CRHR1: variants seen among roughly 807,000 people sequenced by gnomAD.
CRHR1 encodes the protein corticotropin releasing hormone receptor 1, also known as corticotropin-releasing hormone receptor 1.
In CRHR1, 28 loss-of-function variants were observed where a neutral mutation model predicts 56.0. That is an observed-to-expected ratio of 0.50 (90% confidence interval 0.37 to 0.69). CRHR1 has a LOEUF of 0.69. CRHR1 is among the 30% of genes least tolerant of loss of function. CRHR1 has a pLI of 0.00. For missense variants in CRHR1, 376 were observed against 548.0 expected, an observed-to-expected ratio of 0.69 and a Z score of 3.13; for synonymous variants, 195 against 216.5, an observed-to-expected ratio of 0.90 and a Z score of 0.87.
intron 1 of CRHR1, among the ~76,000 whole-genome samples, chr17:45,795,512 G>A (rs1226253975): frequency 2.0e-5 from 3 of 152,234 alleles, no homozygotes; most frequent in East Asian, 1.9e-4. Context: ...AATGCCAGTC[G>A]CACCTCCCCC....
chr17:45,830,667 T>G (rs1358194951), intron 7 of CRHR1, 97 bp downstream of exon 7: 1 of 1,473,910 alleles, frequency 6.8e-7, no homozygotes, highest in African/African-American at 1.4e-5. Context: ...GCCTGAGGGA[T>G]GGAGGTCGGG....
chr17:45,817,101 A>G (rs916616422), intron 3 of CRHR1, among the ~76,000 whole-genome samples: 1 of 150,028 alleles, frequency 6.7e-6, no homozygotes, highest in Non-Finnish European at 1.5e-5. Context: ...TGCATCCTGG[A>G]TTTGTAGGTG....
intron 1 of CRHR1, among the ~76,000 whole-genome samples, chr17:45,794,907 G>T (rs1214063375): frequency 6.6e-6 from 1 of 152,256 alleles, no homozygotes; most frequent in African/African-American, 2.4e-5. Context: ...AGAGGCTCTG[G>T]TGGAGCCTCA....
chr17:45,828,157 C>T (rs750410855), intron 4 of CRHR1, among the ~76,000 whole-genome samples: 9 of 152,192 alleles, frequency 5.9e-5, no homozygotes, highest in Non-Finnish European at 8.8e-5. Context: ...CTAGGCCCTG[C>T]TTCTTGGGAC....
At chr17:45,831,011 G>A (rs1384462018) in intron 8 of CRHR1, 71 bp downstream of exon 8, 31 of 1,451,642 alleles carry the variant, frequency 2.1e-5, no homozygotes, top group Middle Eastern at 1.7e-4. Flanking sequence ...CACTCCCCAC[G>A]GGCATTGGCC....
Position 45,821,420 on chromosome 17 carries a change from C to G in CRHR1, c.307C>G (p.Gln103Glu). 6.2e-7 allele frequency: 1 copy of G among 1,613,056 alleles called. No individual in the cohort carries two copies. The highest frequency in any genetic ancestry group is 8.5e-7 in the Non-Finnish European group (1 of 1,180,034). Reference sequence around the variant, plus strand: ...CGCCCGCGTGAATTACTCCGAGTGCCAGGAGATCCTCAATGAGGAGGTGAG... The same window carrying G: ...CGCCCGCGTGAATTACTCCGAGTGCGAGGAGATCCTCAATGAGGAGGTGAG... Reference protein sequence around the residue: ...WAARVNYSECQEILNEEKKSK... With the variant: ...WAARVNYSECEEILNEEKKSK... Residue 103 changes from glutamine to glutamate, a missense_variant, in exon 4 of 13, where the codon CAG (glutamine) becomes GAG (glutamate). Physicochemically the swap from Gln to Glu is conservative, Grantham distance 29. Around this residue, in one of 2 missense-constraint regions of CRHR1, gnomAD observed 369 missense variants for 519.5 expected, o/e 0.71. Coordinates refer to ENST00000314537, the MANE Select transcript of CRHR1 (RefSeq NM_004382.5).
intron 1 of CRHR1, among the ~76,000 whole-genome samples, chr17:45,788,082 A>G (rs901514035): frequency 6.6e-6 from 1 of 152,246 alleles, no homozygotes; most frequent in Non-Finnish European, 1.5e-5. Flanking sequence ...TGGCTCCTCA[A>G]AAGCATCAAC....
At chr17:45,790,337 C>T (rs940246670) in intron 1 of CRHR1, among the ~76,000 whole-genome samples, 8 of 152,138 alleles carry the variant, frequency 5.3e-5, no homozygotes, top group Non-Finnish European at 8.8e-5. Flanking sequence ...ATGTGGTATC[C>T]GCTTCCACAA....
intron 2 of CRHR1, among the ~76,000 whole-genome samples, chr17:45,814,591 T>TCTATACGATC (rs2061889448): frequency 6.6e-6 from 1 of 152,210 alleles, no homozygotes; most frequent in South Asian, 2.1e-4. Flanking sequence ...GGGCATGGCC[T>TCTATACGATC]CTATACGATC....
At chr17:45,810,192 T>C (rs1044546124) in intron 2 of CRHR1, among the ~76,000 whole-genome samples, 4 of 152,012 alleles carry the variant, frequency 2.6e-5, no homozygotes, top group African/African-American at 4.8e-5. Context: ...GGCTGAGGCA[T>C]GAGAATCGCT....
At chr17:45,830,396 T>C in intron 6 of CRHR1, 21 bp from the exon 7 acceptor site, 1 of 1,595,036 alleles carries the variant, frequency 6.3e-7, no homozygotes. Flanking sequence ...TCATCATCTC[T>C]GGTTGGGGGT....
intron 1 of CRHR1, among the ~76,000 whole-genome samples, chr17:45,799,073 C>T (rs149073965): frequency 6.6e-6 from 1 of 152,314 alleles, no homozygotes; most frequent in African/African-American, 2.4e-5. Context: ...GTCAAGAGGG[C>T]TGAGAAAGGA....
At chr17:45,793,470 T>G (rs971007876) in intron 1 of CRHR1, among the ~76,000 whole-genome samples, 1 of 152,152 alleles carries the variant, frequency 6.6e-6, no homozygotes, top group Non-Finnish European at 1.5e-5. Context: ...CCCTCCCTGG[T>G]GCTGTCCTGG....
intron 1 of CRHR1, among the ~76,000 whole-genome samples, chr17:45,801,018 G>C (rs1264134868): frequency 6.6e-6 from 1 of 152,214 alleles, no homozygotes; most frequent in African/African-American, 2.4e-5. Context: ...TATGGTCTCT[G>C]ATAAGCATTT....
intron 2 of CRHR1, among the ~76,000 whole-genome samples, chr17:45,807,531 G>C (rs1304665306): frequency 5.9e-5 from 9 of 152,220 alleles, no homozygotes; most frequent in Admixed American, 5.9e-4. Flanking sequence ...GCCAGGCACT[G>C]ATCAAGGACT....
intron 12 of CRHR1, 121 bp downstream of exon 12, chr17:45,834,169 C>T: frequency 8.0e-7 from 1 of 1,250,266 alleles, no homozygotes; most frequent in South Asian, 1.3e-5. Flanking sequence ...CTCCTAGGTC[C>T]CTAGGGGTAT....
chr17:45,808,302 A>C (rs2061756781), intron 2 of CRHR1, among the ~76,000 whole-genome samples: 1 of 152,210 alleles, frequency 6.6e-6, no homozygotes, highest in African/African-American at 2.4e-5. Context: ...AGGCCTCCAC[A>C]TCTCATGGTA....
Position 45,834,964 on chromosome 17 carries a change from C to T in CRHR1, c.*200C>T, listed in dbSNP as rs559518536. 4 of 690,472 alleles carry T rather than the reference C, an allele frequency of 5.8e-6. No homozygotes were observed. The highest frequency in any genetic ancestry group is 5.4e-5 in the African/African-American group (3 of 55,778). The allele number at this position is 690,472 out of a possible 1,614,324, so 42.8% of individuals were successfully genotyped here. A position where few individuals can be genotyped will look rare whatever the true frequency, so the allele number is the denominator to read the frequency against. On this transcript the variant is annotated 3_prime_UTR_variant, in exon 13 of 13. Transcript: ENST00000314537. ...TAGCTCATGAGTGGAAAGTCACCTACAGGACTGGGCCGGGCCCAGGGCCTC... is the reference window on the plus strand; with the variant it reads ...TAGCTCATGAGTGGAAAGTCACCTATAGGACTGGGCCGGGCCCAGGGCCTC...
chr17:45,831,080 G>A, intron 8 of CRHR1, 140 bp downstream of exon 8: 1 of 811,224 alleles, frequency 1.2e-6, no homozygotes, highest in South Asian at 1.7e-5. Flanking sequence ...AGAGATCTGG[G>A]GGCTGGACTC....
Sources: gnomAD v4.1 joint callset for allele counts (sites outside exome capture counted in the v4.1 genomes callset) on GRCh38, gnomAD v4.1.1 for gene constraint, gnomAD v4.1.1 regional missense constraint, MANE v1.5 for transcripts, NCBI Gene and HGNC (gene_info 2026-07-23, HGNC 2026-07-21) for gene names.